The following ZRANB3 variants were observed in gnomAD, a reference collection of about 807,000 sequenced individuals.
The protein encoded by ZRANB3 is DNA annealing helicase and endonuclease ZRANB3.
ZRANB3 carries 125 observed loss-of-function variants against 133.8 expected under a neutral mutation model. That is an observed-to-expected ratio of 0.93 (90% CI 0.81 to 1.08). The LOEUF (loss-of-function observed/expected upper bound fraction) is 1.08, where lower values mean the gene tolerates loss of function less well. ZRANB3 is among the 50% of genes least tolerant of loss of function. The probability of loss-of-function intolerance (pLI) is 0.00; values close to 1 mark genes in which losing one functional copy is unlikely to be tolerated. For missense variants in ZRANB3, 1,229 were observed against 1,275.5 expected, an observed-to-expected ratio of 0.96 and a Z score of 0.56; for synonymous variants, 387 against 432.7, an observed-to-expected ratio of 0.89 and a Z score of 1.31.
chr2:135,480,670 T>C (rs1268181493), intron 2 of ZRANB3, among the ~76,000 whole-genome samples: 2 of 151,636 alleles, frequency 1.3e-5, no homozygotes, highest in African/African-American at 4.9e-5. Context: ...TTGTGCAGGT[T>C]AGTTACATAT....
intron 2 of ZRANB3, among the ~76,000 whole-genome samples, chr2:135,430,386 T>A (rs998246611): frequency 6.6e-6 from 1 of 151,906 alleles, no homozygotes; most frequent in African/African-American, 2.4e-5. Context: ...TTAGTTTTAC[T>A]TCAATAAATA....
intron 2 of ZRANB3, among the ~76,000 whole-genome samples, chr2:135,393,355 G>A (rs1339980032): frequency 6.6e-6 from 1 of 150,912 alleles, no homozygotes; most frequent in Admixed American, 6.6e-5. Flanking sequence ...AGCAAAACGA[G>A]AACATGAACT....
At position 135,504,437 on chromosome 2, in the gene ZRANB3, A is replaced by G; in HGVS notation, c.53T>C (p.Val18Ala). ...CAGCAGATTATCAGATTCATTTGTC[A>G]CACAAGAAATGTGAGGTGTAAGAGA... The part of the protein sequence containing the change: ...KKSLTPHISC[V>A]TNESDNLLDF... The change falls in exon 2 of 21, where the codon GTG becomes GCG. Residue 18 changes from valine to alanine, a missense_variant. Coordinates refer to ENST00000264159, the MANE Select transcript of ZRANB3 (RefSeq NM_032143.4). The G allele has an allele frequency of 1.9e-6, 3 of 1,613,722 alleles. No homozygotes were observed. The highest frequency in any genetic ancestry group is 2.5e-6 in the Non-Finnish European group (3 of 1,179,766).
At chr2:135,375,183 C>T (rs760810307) in intron 3 of ZRANB3, among the ~76,000 whole-genome samples, 5 of 152,232 alleles carry the variant, frequency 3.3e-5, no homozygotes, top group East Asian at 3.9e-4. Context: ...CAGTGGCTCA[C>T]GCTTGCCACA....
At chr2:135,319,721 T>A (rs947474556) in intron 6 of ZRANB3, among the ~76,000 whole-genome samples, 2 of 152,190 alleles carry the variant, frequency 1.3e-5, no homozygotes, top group African/African-American at 4.8e-5. Flanking sequence ...TTACCAGGAT[T>A]ATTTCTGGAA....
At chr2:135,480,073 A>G (rs1691701146) in intron 2 of ZRANB3, among the ~76,000 whole-genome samples, 1 of 151,062 alleles carries the variant, frequency 6.6e-6, no homozygotes, top group African/African-American at 2.4e-5. Context: ...AGCTGGGACT[A>G]CAGGCGCCCG....
intron 1 of ZRANB3, among the ~76,000 whole-genome samples, chr2:135,505,087 C>A (rs1467833110): frequency 6.6e-6 from 1 of 152,082 alleles, no homozygotes; most frequent in Non-Finnish European, 1.5e-5. Context: ...CTGATTAACA[C>A]CTTCCTCACC....
chr2:135,252,421 T>C (rs1390065140), intron 12 of ZRANB3, among the ~76,000 whole-genome samples: 3 of 152,288 alleles, frequency 2.0e-5, no homozygotes, highest in South Asian at 2.1e-4. Flanking sequence ...AAGTAGTATA[T>C]GCAAATGCCT....
intron 2 of ZRANB3, among the ~76,000 whole-genome samples, chr2:135,501,931 G>T (rs78580463): frequency 6.6e-6 from 1 of 152,114 alleles, no homozygotes; most frequent in Non-Finnish European, 1.5e-5. Flanking sequence ...TAAGTCATCT[G>T]TAAGGTGATA....
intron 2 of ZRANB3, among the ~76,000 whole-genome samples, chr2:135,401,748 T>C (rs1042388115): frequency 2.6e-5 from 4 of 152,142 alleles, no homozygotes; most frequent in African/African-American, 9.7e-5. Context: ...GACAAGAAGA[T>C]TGGAAAGGTG....
At chr2:135,358,699 A>T (rs1685544913) in intron 3 of ZRANB3, among the ~76,000 whole-genome samples, 1 of 152,212 alleles carries the variant, frequency 6.6e-6, no homozygotes, top group South Asian at 2.1e-4. Flanking sequence ...TCATGCAAGG[A>T]TTGGTCTTGC....
chr2:135,384,707 G>C (rs961696170), intron 3 of ZRANB3, among the ~76,000 whole-genome samples: 1 of 152,124 alleles, frequency 6.6e-6, no homozygotes, highest in Non-Finnish European at 1.5e-5. Context: ...ATCAATAAAT[G>C]TAATCCAGCA....
At chr2:135,243,684 T>C (rs1032768925) in intron 12 of ZRANB3, among the ~76,000 whole-genome samples, 23 of 152,104 alleles carry the variant, frequency 1.5e-4, no homozygotes, top group African/African-American at 4.3e-4. Context: ...AATGGTGTGA[T>C]CACAGCTCAC....
In ZRANB3 at chr2:135,345,486, T is replaced by C. The variant is rs1684872924; in HGVS notation, c.677+64A>G. The C allele has an allele frequency of 2.6e-6, 3 of 1,167,470 alleles. No homozygotes were observed. In the Admixed American group the frequency reaches 7.1e-5, roughly 27 times the overall value. The allele number at this position is 1,167,470 out of a possible 1,614,324, so 72.3% of individuals were successfully genotyped here. On this transcript the variant is annotated intron_variant, in intron 6 of 20. Coordinates refer to ENST00000264159, the MANE Select transcript of ZRANB3 (RefSeq NM_032143.4). ...TCTGTCTCAAAAAAAAAAAGAATGA[T>C]TAATAAAGCAATGTTCACAGTAAAC...
intron 2 of ZRANB3, among the ~76,000 whole-genome samples, chr2:135,459,943 T>C (rs1690690842): frequency 7.6e-6 from 1 of 131,608 alleles, no homozygotes; most frequent in Non-Finnish European, 1.5e-5. Flanking sequence ...TTCTGAAGTA[T>C]TTTTTTCCTG....
rs372926086 is a variant in ZRANB3, at chr2:135,514,612, C to T, written c.-7-10116G>A. ...ACAGACAATTTGACTTCCTCTCTTCCTATCCGAATATCTTTTCTTTCTTTC... is the reference window on the plus strand; with the variant it reads ...ACAGACAATTTGACTTCCTCTCTTCTTATCCGAATATCTTTTCTTTCTTTC... On this transcript the variant is annotated intron_variant, in intron 1 of 20. Transcript: ENST00000264159. Among the ~76,000 whole-genome samples the T allele has an allele frequency of 3.3e-5, 5 of 152,092 alleles. No individual in the cohort carries two copies. In the East Asian group the frequency reaches 7.7e-4, roughly 23 times the overall value.
chr2:135,507,319 TATATG>T (rs2104825918), intron 1 of ZRANB3, among the ~76,000 whole-genome samples: 2 of 152,234 alleles, frequency 1.3e-5, no homozygotes, highest in South Asian at 4.1e-4. Context: ...TGCTTGAAAA[TATATG>T]AGTCTGAAGT....
chr2:135,352,197 G>A (rs988404527), intron 4 of ZRANB3, among the ~76,000 whole-genome samples: 1 of 151,702 alleles, frequency 6.6e-6, no homozygotes, highest in Admixed American at 6.6e-5. Context: ...GCCAGGTGTG[G>A]TGGTGGTGCC....
At position 135,299,923 on chromosome 2, in the gene ZRANB3, G is replaced by A. The variant is rs1198046971; in HGVS notation, c.966+13566C>T. Among the ~76,000 whole-genome samples, 3 of 152,234 alleles carry A rather than the reference G, an allele frequency of 2.0e-5. No homozygotes were observed. In the South Asian group the frequency reaches 6.2e-4, roughly 32 times the overall value. On this transcript the variant is annotated intron_variant, in intron 8 of 20. Transcript: ENST00000264159. ...AACAGTGTGTAAGTTATGAAGCAAAGAAAAGATTACAGCAGAGAAAGAAAT... is the reference window on the plus strand; with the variant it reads ...AACAGTGTGTAAGTTATGAAGCAAAAAAAAGATTACAGCAGAGAAAGAAAT...
Sources: gnomAD v4.1 joint callset for allele counts (sites outside exome capture counted in the v4.1 genomes callset) on GRCh38, gnomAD v4.1.1 for gene constraint, MANE v1.5 for transcripts, NCBI Gene and HGNC (gene_info 2026-07-23, HGNC 2026-07-21) for gene names.